Variants in GALNT13 observed in about 807,000 individuals in gnomAD.
GALNT13 encodes UDP-GalNAc:polypeptide N-acetylgalactosaminyltransferase 13.
GALNT13 carries 28 observed loss-of-function variants against 64.2 expected under a neutral mutation model. The observed-to-expected ratio is 0.44, with a 90% CI of 0.32 to 0.60. GALNT13 has a LOEUF of 0.60. Among genes scored for constraint, GALNT13 ranks in the 20% least tolerant of loss-of-function variants. GALNT13 has a pLI of 0.05. For missense variants in GALNT13, 577 were observed against 669.8 expected (o/e 0.86, Z 1.53); for synonymous variants, 214 against 224.6 (o/e 0.95, Z 0.42).
chr2:153,326,801 T>C, the GALNT13 span, among the ~76,000 whole-genome samples: 1 of 152,204 alleles, frequency 6.6e-6, no homozygotes, highest in Non-Finnish European at 1.5e-5. Context: ...TTAAGAATGT[T>C]GAGGCCAGGT....
chr2:153,328,456 A>C, the GALNT13 span, among the ~76,000 whole-genome samples: 1 of 152,114 alleles, frequency 6.6e-6, no homozygotes, highest in Admixed American at 6.5e-5. Context: ...TTTTATCTAT[A>C]AGCCCCTGAC....
chr2:154,219,183 A>T (rs2105818071), intron 4 of GALNT13, among the ~76,000 whole-genome samples: 1 of 152,248 alleles, frequency 6.6e-6, no homozygotes. Context: ...AATATTAGCT[A>T]ACATTTATTG....
At chr2:153,894,768 A>G (rs1356146463) in intron 1 of GALNT13, among the ~76,000 whole-genome samples, 2 of 152,156 alleles carry the variant, frequency 1.3e-5, no homozygotes, top group Non-Finnish European at 2.9e-5. Flanking sequence ...AGTTAATGTA[A>G]TTTTCTTCTC....
intron 3 of GALNT13, among the ~76,000 whole-genome samples, chr2:154,028,277 G>C (rs540082405): frequency 1.3e-5 from 2 of 151,974 alleles, no homozygotes; most frequent in African/African-American, 4.8e-5. Flanking sequence ...TTGCTATATT[G>C]CTAAGAAAAT....
the GALNT13 span, among the ~76,000 whole-genome samples, chr2:153,742,677 T>C: frequency 6.6e-6 from 1 of 152,088 alleles, no homozygotes; most frequent in Non-Finnish European, 1.5e-5. Context: ...TGGTATTTGA[T>C]TATCTGATTT....
At chr2:153,846,881 G>C in the GALNT13 span, among the ~76,000 whole-genome samples, 5 of 152,090 alleles carry the variant, frequency 3.3e-5, no homozygotes, top group African/African-American at 4.8e-5. Context: ...TAGCCTAAAG[G>C]AGAAAGGCTA....
the GALNT13 span, among the ~76,000 whole-genome samples, chr2:153,438,494 G>A: frequency 6.6e-6 from 1 of 152,078 alleles, no homozygotes; most frequent in Non-Finnish European, 1.5e-5. Flanking sequence ...TTTTCACATA[G>A]TCCCATATTT....
intron 10 of GALNT13, among the ~76,000 whole-genome samples, chr2:154,399,632 C>T (rs556329424): frequency 6.6e-6 from 1 of 152,242 alleles, no homozygotes; most frequent in Admixed American, 6.5e-5. Context: ...CATGTTATCT[C>T]TTGGGCCACT....
the GALNT13 span, among the ~76,000 whole-genome samples, chr2:153,145,323 T>G: frequency 6.6e-6 from 1 of 151,974 alleles, no homozygotes; most frequent in Non-Finnish European, 1.5e-5. Flanking sequence ...CATCTATGAA[T>G]ACTATAATGC....
At chr2:153,195,081 A>T in the GALNT13 span, among the ~76,000 whole-genome samples, 2 of 152,116 alleles carry the variant, frequency 1.3e-5, no homozygotes, top group Admixed American at 6.5e-5. Flanking sequence ...GGCTGTCAGT[A>T]GTGGCAGTGG....
the GALNT13 span, among the ~76,000 whole-genome samples, chr2:153,650,471 G>C: frequency 6.6e-6 from 1 of 152,068 alleles, no homozygotes; most frequent in Non-Finnish European, 1.5e-5. Flanking sequence ...TACTTTTAAG[G>C]TTAATATTGT....
At chr2:153,687,852 G>C in the GALNT13 span, among the ~76,000 whole-genome samples, 1 of 151,808 alleles carries the variant, frequency 6.6e-6, no homozygotes, top group Non-Finnish European at 1.5e-5. Flanking sequence ...CAAAAATAAA[G>C]AAAGAAAGTA....
chr2:154,126,378 G>T (rs1394857415), intron 3 of GALNT13, among the ~76,000 whole-genome samples: 2 of 152,122 alleles, frequency 1.3e-5, no homozygotes, highest in Non-Finnish European at 2.9e-5. Context: ...GCTCACGCCT[G>T]TAATCCCAGC....
chr2:153,300,676 T>C, the GALNT13 span, among the ~76,000 whole-genome samples: 1 of 152,156 alleles, frequency 6.6e-6, no homozygotes, highest in Non-Finnish European at 1.5e-5. Context: ...TAATTCTAGA[T>C]CTTAGATAGG....
At chr2:153,639,828 T>G in the GALNT13 span, among the ~76,000 whole-genome samples, 2 of 152,178 alleles carry the variant, frequency 1.3e-5, no homozygotes, top group Admixed American at 1.3e-4. Context: ...TGAAAATGTT[T>G]CAGGAGCTGG....
the GALNT13 span, among the ~76,000 whole-genome samples, chr2:153,297,056 G>GTCCTAA: frequency 3.3e-5 from 5 of 152,284 alleles, no homozygotes; most frequent in East Asian, 9.6e-4. Context: ...TCCTAACAAA[G>GTCCTAA]CAATCAGACT....
intron 8 of GALNT13, among the ~76,000 whole-genome samples, chr2:154,282,647 TGCAG>T (rs1263047023): frequency 7.1e-6 from 1 of 139,910 alleles, no homozygotes. Flanking sequence ...AAGAACAGAA[TGCAG>T]CTTTCCAATT....
At position 154,242,261 on chromosome 2, in the gene GALNT13, T is replaced by C. The variant is rs568429881; in HGVS notation, c.478+65T>C. 5.1e-5 allele frequency: 72 copies of C among 1,420,502 alleles called. No homozygotes were observed. In the South Asian group the frequency reaches 8.9e-4, roughly 18 times the overall value. The allele number at this position is 1,420,502 out of a possible 1,614,324, so 88.0% of individuals were successfully genotyped here. A position where few individuals can be genotyped will look rare whatever the true frequency, so the allele number is the denominator to read the frequency against. On this transcript the variant is annotated intron_variant, in intron 5 of 12. Coordinates refer to ENST00000392825, the MANE Select transcript of GALNT13 (RefSeq NM_052917.4). ...TTTGTTTTGTTTTGTTTTTTTGTATTAGAAAGCTTTATTATGGCCAAAAAG... is the reference window on the plus strand; with the variant it reads ...TTTGTTTTGTTTTGTTTTTTTGTATCAGAAAGCTTTATTATGGCCAAAAAG...
intron 4 of GALNT13, among the ~76,000 whole-genome samples, chr2:154,181,886 C>T (rs2105731954): frequency 6.6e-6 from 1 of 151,838 alleles, no homozygotes; most frequent in Admixed American, 6.6e-5. Flanking sequence ...TCCTTAAGAA[C>T]ATTATTAGAT....
Sources: gnomAD v4.1 joint callset for allele counts (sites outside exome capture counted in the v4.1 genomes callset) on GRCh38, gnomAD v4.1.1 for gene constraint, MANE v1.5 for transcripts, NCBI Gene and HGNC (gene_info 2026-07-23, HGNC 2026-07-21) for gene names.